PCDH7: variants seen among roughly 807,000 people sequenced by gnomAD.
The protein encoded by PCDH7 is protocadherin-7.
Under a neutral mutation model 58.9 loss-of-function variants are expected in PCDH7, and 17 were observed. That is an observed-to-expected ratio of 0.29 (90% CI 0.20 to 0.43). PCDH7 has a LOEUF of 0.43. Among genes scored for constraint, PCDH7 ranks in the 20% least tolerant of loss-of-function variants. PCDH7 has a pLI of 1.00. For missense variants in PCDH7, 1,274 were observed against 1,441.0 expected (o/e 0.88, Z 1.88); for synonymous variants, 664 against 616.4 (o/e 1.08, Z -1.14).
At chr4:30,886,850 A>C (rs937703001) in intron 1 of PCDH7, among the ~76,000 whole-genome samples, 29 of 149,558 alleles carry the variant, frequency 1.9e-4, no homozygotes, top group Non-Finnish European at 1.5e-4. Context: ...GGAAATCATC[A>C]TTCTCAGTAA....
chr4:30,963,859 C>A (rs1239056278), intron 3 of PCDH7, among the ~76,000 whole-genome samples: 1 of 152,174 alleles, frequency 6.6e-6, no homozygotes, highest in Non-Finnish European at 1.5e-5. Flanking sequence ...TTCAGAAGAT[C>A]ACTCTGAGTC....
chr4:30,792,107 T>A (rs1724196980), intron 1 of PCDH7, among the ~76,000 whole-genome samples: 1 of 152,236 alleles, frequency 6.6e-6, no homozygotes, highest in South Asian at 2.1e-4. Context: ...ACAAAAATTC[T>A]TGCTTAATTG....
At chr4:31,083,851 A>G (rs1287883967) in intron 3 of PCDH7, among the ~76,000 whole-genome samples, 1 of 152,232 alleles carries the variant, frequency 6.6e-6, no homozygotes, top group African/African-American at 2.4e-5. Context: ...TACTTGTACC[A>G]CATTCCTCCC....
chr4:30,949,735 T>C (rs1407275036), intron 2 of PCDH7, among the ~76,000 whole-genome samples: 2 of 152,072 alleles, frequency 1.3e-5, no homozygotes, highest in African/African-American at 2.4e-5. Flanking sequence ...GAGATGATAA[T>C]CCTACTGTAT....
chr4:30,800,767 A>T (rs957551839), intron 1 of PCDH7, among the ~76,000 whole-genome samples: 2 of 152,266 alleles, frequency 1.3e-5, no homozygotes, highest in African/African-American at 4.8e-5. Flanking sequence ...GACAAAAGGC[A>T]CATCATCCAG....
intron 1 of PCDH7, among the ~76,000 whole-genome samples, chr4:30,835,923 G>C (rs937170658): frequency 6.6e-6 from 1 of 152,106 alleles, no homozygotes; most frequent in African/African-American, 2.4e-5. Flanking sequence ...CACAACATAT[G>C]AAAAAGAAGC....
In PCDH7 at chr4:31,126,205, C is replaced by T. The variant is rs111790617; in HGVS notation, c.*8-16268C>T. ...GTGGCGTAATCTTGGCTCACTGCAA[C>T]CTCTGCCTCCTGGGTTCAAGAGATT... On this transcript the variant is annotated intron_variant, in intron 3 of 3. Transcript: ENST00000509759. 6.7e-3 allele frequency among the ~76,000 whole-genome samples: 1,005 copies of T among 150,502 alleles called. 6 individuals carry two copies. Among genetic ancestry groups the T allele is most frequent in the Non-Finnish European group, 0.011 (763 of 67,764 alleles).
chr4:31,023,919 G>A (rs1234309201), intron 3 of PCDH7, among the ~76,000 whole-genome samples: 1 of 152,140 alleles, frequency 6.6e-6, no homozygotes, highest in Non-Finnish European at 1.5e-5. Context: ...ACCCAGCAAG[G>A]ACAAAGTAGT....
intron 3 of PCDH7, among the ~76,000 whole-genome samples, chr4:31,085,985 G>A (rs1416854622): frequency 6.6e-6 from 1 of 151,948 alleles, no homozygotes; most frequent in Admixed American, 6.6e-5. Flanking sequence ...ATGCCAGGAA[G>A]TAACAAAGTA....
chr4:31,031,832 A>T (rs1754947692), intron 3 of PCDH7, among the ~76,000 whole-genome samples: 1 of 152,206 alleles, frequency 6.6e-6, no homozygotes, highest in Admixed American at 6.5e-5. Context: ...AAAGAATAAG[A>T]GATCACTTCC....
chr4:30,865,840 T>C (rs1158173253), intron 1 of PCDH7, among the ~76,000 whole-genome samples: 1 of 152,086 alleles, frequency 6.6e-6, no homozygotes, highest in Non-Finnish European at 1.5e-5. Flanking sequence ...GAAAACCATG[T>C]GTTTTTTGAC....
chr4:31,082,023 C>T (rs760966205), intron 3 of PCDH7, among the ~76,000 whole-genome samples: 3 of 152,034 alleles, frequency 2.0e-5, no homozygotes, highest in Non-Finnish European at 2.9e-5. Context: ...CCTGACCTCG[C>T]GATCTGCCCA....
At chr4:31,003,688 A>AC (rs1752538337) in intron 3 of PCDH7, among the ~76,000 whole-genome samples, 1 of 150,478 alleles carries the variant, frequency 6.6e-6, no homozygotes, top group African/African-American at 2.4e-5. Flanking sequence ...CGTGTGGATC[A>AC]CGAGGTCAGG....
At chr4:30,938,619 G>C (rs996629752) in intron 2 of PCDH7, among the ~76,000 whole-genome samples, 2 of 151,934 alleles carry the variant, frequency 1.3e-5, no homozygotes, top group African/African-American at 4.8e-5. Flanking sequence ...TTTTGGACAT[G>C]TTCTATTAAA....
intron 2 of PCDH7, among the ~76,000 whole-genome samples, chr4:30,925,293 A>G (rs534004167): frequency 6.6e-6 from 1 of 152,308 alleles, no homozygotes; most frequent in Non-Finnish European, 1.5e-5. Context: ...CCAAAGGCAT[A>G]TCTTTGTATG....
chr4:30,991,599 G>T (rs1001575408), intron 3 of PCDH7, among the ~76,000 whole-genome samples: 16 of 152,062 alleles, frequency 1.1e-4, no homozygotes, highest in African/African-American at 3.4e-4. Context: ...TAGATCCTCG[G>T]GTTCTCATTT....
At chr4:30,826,703 T>C (rs1729128010) in intron 1 of PCDH7, among the ~76,000 whole-genome samples, 1 of 152,060 alleles carries the variant, frequency 6.6e-6, no homozygotes, top group African/African-American at 2.4e-5. Flanking sequence ...GTAATCTGAC[T>C]ATTGATTACC....
chr4:30,751,193 G>C (rs1187602242), intron 1 of PCDH7, among the ~76,000 whole-genome samples: 1 of 152,168 alleles, frequency 6.6e-6, no homozygotes, highest in Non-Finnish European at 1.5e-5. Context: ...CTATAACCTT[G>C]TATGATATGA....
chr4:30,812,823 G>C (rs1340065574), intron 1 of PCDH7, among the ~76,000 whole-genome samples: 1 of 152,164 alleles, frequency 6.6e-6, no homozygotes, highest in Non-Finnish European at 1.5e-5. Context: ...AAAAGCTGTA[G>C]TGAATAGTAG....
Sources: gnomAD v4.1 joint callset for allele counts (sites outside exome capture counted in the v4.1 genomes callset) on GRCh38, gnomAD v4.1.1 for gene constraint, MANE v1.5 for transcripts, NCBI Gene and HGNC (gene_info 2026-07-23, HGNC 2026-07-21) for gene names.